Variants in CADM2 observed in about 807,000 individuals in gnomAD.
CADM2 encodes cell adhesion molecule 2, also known as immunoglobulin superfamily member 4D.
In CADM2, 12 loss-of-function variants were observed where a neutral mutation model predicts 49.8. The observed-to-expected ratio is 0.24, with a 90% CI of 0.15 to 0.39. The LOEUF (loss-of-function observed/expected upper bound fraction) is 0.39. Ranked by LOEUF, CADM2 falls within the 10% of genes least tolerant of loss-of-function variation. CADM2 has a pLI of 1.00. For synonymous variants in CADM2, 214 were observed against 175.4 expected (o/e 1.22, Z -1.74); for missense variants, 378 against 492.3 (o/e 0.77, Z 2.20).
intron 1 of CADM2, among the ~76,000 whole-genome samples, chr3:85,524,811 T>C (rs1056006856): frequency 6.6e-6 from 1 of 152,240 alleles, no homozygotes; most frequent in Non-Finnish European, 1.5e-5. Flanking sequence ...TTACACTCAA[T>C]ACACATGCTC....
chr3:85,242,145 GAACTTTTCTGGTATAA>G lies in CADM2; in HGVS notation c.61+282487_61+282502del, dbSNP rs1382911926. ...TTTAAGTGTTCTCATGAAATACTAT[GAACTTTTCTGGTATAA>G]AACTTTTCTACTTAGACTCTATGAG... On this transcript the variant is annotated intron_variant, in intron 1 of 9. Coordinates refer to ENST00000383699, the MANE Select transcript of CADM2 (RefSeq NM_001167675.2). Among the ~76,000 whole-genome samples, 55 of 150,556 alleles carry G rather than the reference GAACTTTTCTGGTATAA, an allele frequency of 3.7e-4. 2 individuals are homozygous for G. The East Asian group carries it at 0.011, about 29-fold the overall frequency.
At chr3:85,561,036 C>G (rs1318968749) in intron 1 of CADM2, among the ~76,000 whole-genome samples, 2 of 152,020 alleles carry the variant, frequency 1.3e-5, no homozygotes, top group Non-Finnish European at 2.9e-5. Context: ...TGCTTATTGT[C>G]TAGGATAGTA....
chr3:85,852,058 C>A (rs2075129021), intron 3 of CADM2, among the ~76,000 whole-genome samples: 1 of 152,092 alleles, frequency 6.6e-6, no homozygotes, highest in African/African-American at 2.4e-5. Context: ...CGTATTACTG[C>A]AAATGCCTTT....
intron 2 of CADM2, among the ~76,000 whole-genome samples, chr3:85,728,948 G>A (rs1256043091): frequency 6.6e-6 from 1 of 152,058 alleles, no homozygotes; most frequent in Non-Finnish European, 1.5e-5. Flanking sequence ...TTAAATGTGA[G>A]TTACTATACC....
chr3:85,535,693 A>G (rs1042317945), intron 1 of CADM2, among the ~76,000 whole-genome samples: 3 of 152,128 alleles, frequency 2.0e-5, no homozygotes, highest in Non-Finnish European at 4.4e-5. Context: ...GTAGGATGCC[A>G]TATTTCCTCT....
intron 3 of CADM2, among the ~76,000 whole-genome samples, chr3:85,816,128 G>T (rs969965497): frequency 2.0e-5 from 3 of 151,028 alleles, no homozygotes; most frequent in Non-Finnish European, 4.4e-5. Context: ...CGTTTTTCCT[G>T]TTCTGTGTTT....
chr3:85,201,073 A>G (rs527565852), intron 1 of CADM2, among the ~76,000 whole-genome samples: 8 of 152,286 alleles, frequency 5.3e-5, no homozygotes, highest in Non-Finnish European at 8.8e-5. Context: ...TTATTCGTCT[A>G]TATTACTGAA....
At chr3:85,815,992 A>T (rs1429633772) in intron 3 of CADM2, among the ~76,000 whole-genome samples, 1 of 152,196 alleles carries the variant, frequency 6.6e-6, no homozygotes. Context: ...TCTTAACAAT[A>T]TCAAAAAACT....
At chr3:85,356,717 C>T (rs942660907) in intron 1 of CADM2, among the ~76,000 whole-genome samples, 1 of 152,062 alleles carries the variant, frequency 6.6e-6, no homozygotes, top group Non-Finnish European at 1.5e-5. Context: ...ATTTAATGTC[C>T]TGTTCATTTT....
chr3:86,012,311 T>C (rs945386488), intron 8 of CADM2, among the ~76,000 whole-genome samples: 2 of 152,220 alleles, frequency 1.3e-5, no homozygotes, highest in Non-Finnish European at 2.9e-5. Flanking sequence ...TATGAAAAGA[T>C]CCTGGTGTCA....
rs73843570 is a variant in CADM2, at chr3:86,010,881, A to G, written c.970+49234A>G. ...TAAGGATGAAATTAAAAGAATAGAAAGAAAATGCATTTTATAACTCTAGGC... is the reference window on the plus strand; with the variant it reads ...TAAGGATGAAATTAAAAGAATAGAAGGAAAATGCATTTTATAACTCTAGGC... On this transcript the variant is annotated intron_variant, in intron 8 of 9. Transcript: ENST00000383699. 5.0e-3 allele frequency among the ~76,000 whole-genome samples: 767 copies of G among 151,930 alleles called. 7 individuals are homozygous for G. Among genetic ancestry groups the G allele is most frequent in the African/African-American group, 0.018 (739 of 41,568 alleles).
Position 85,028,375 on chromosome 3 carries a change from T to C in CADM2, c.61+68707T>C, listed in dbSNP as rs536646712. ...ATCAATAATGAATGCATGACAAGTG[T>C]CAGGCTTGAGGTAGATACTTTTATT... On this transcript the variant is annotated intron_variant, in intron 1 of 9. Coordinates refer to ENST00000383699, the MANE Select transcript of CADM2 (RefSeq NM_001167675.2). Among the ~76,000 whole-genome samples the C allele has an allele frequency of 4.6e-5, 7 of 152,296 alleles. No homozygotes were observed. The East Asian group carries it at 1.4e-3, about 29-fold the overall frequency.
chr3:85,038,534 TC>T, intron 1 of CADM2, among the ~76,000 whole-genome samples: 1 of 152,308 alleles, frequency 6.6e-6, no homozygotes, highest in South Asian at 2.1e-4. Flanking sequence ...GACCTAGGCA[TC>T]TACATTTTTT....
intron 1 of CADM2, among the ~76,000 whole-genome samples, chr3:85,625,623 C>T (rs1194981558): frequency 1.3e-5 from 2 of 151,922 alleles, no homozygotes; most frequent in Non-Finnish European, 2.9e-5. Context: ...TATTACTATA[C>T]ATAATATTGA....
At chr3:85,831,504 A>G (rs1395379976) in intron 3 of CADM2, among the ~76,000 whole-genome samples, 9 of 151,858 alleles carry the variant, frequency 5.9e-5, no homozygotes, top group African/African-American at 2.2e-4. Context: ...TTATTTTTTG[A>G]CTTTTTAATA....
At chr3:85,668,680 A>G (rs1208437926) in intron 1 of CADM2, among the ~76,000 whole-genome samples, 2 of 152,142 alleles carry the variant, frequency 1.3e-5, no homozygotes, top group African/African-American at 4.8e-5. Flanking sequence ...GCCTTCTGCC[A>G]TGATTGTGAG....
At chr3:85,033,467 C>T (rs2035077275) in intron 1 of CADM2, among the ~76,000 whole-genome samples, 1 of 152,268 alleles carries the variant, frequency 6.6e-6, no homozygotes, top group East Asian at 1.9e-4. Context: ...CAAGCATTAT[C>T]CCCTTTCTGT....
chr3:85,901,142 C>G (rs1272242447), intron 5 of CADM2, among the ~76,000 whole-genome samples: 2 of 152,066 alleles, frequency 1.3e-5, no homozygotes, highest in Non-Finnish European at 2.9e-5. Flanking sequence ...TGCAGTGCAC[C>G]AAGATGGTGC....
intron 1 of CADM2, among the ~76,000 whole-genome samples, chr3:85,546,041 C>T (rs1190806115): frequency 6.6e-6 from 1 of 152,126 alleles, no homozygotes; most frequent in Admixed American, 6.5e-5. Flanking sequence ...ACATTCTATA[C>T]CTAAAATATA....
Sources: allele counts gnomAD v4.1 joint callset (sites outside exome capture counted in the v4.1 genomes callset), GRCh38; gene constraint gnomAD v4.1.1; transcripts MANE v1.5; gene names NCBI Gene and HGNC (gene_info 2026-07-23, HGNC 2026-07-21).